ITGAV: variants seen among roughly 807,000 people sequenced by gnomAD.
ITGAV encodes the protein integrin subunit alpha V, also known as integrin alpha-V.
ITGAV carries 76 observed loss-of-function variants against 143.8 expected under a neutral mutation model. That is an observed-to-expected ratio of 0.53 (90% confidence interval 0.44 to 0.64). The LOEUF is 0.64. Ranked by LOEUF, ITGAV falls within the 30% of genes least tolerant of loss-of-function variation. The pLI, the probability that ITGAV is intolerant of heterozygous loss-of-function variation, is 0.00. For missense variants in ITGAV, 1,193 were observed against 1,274.7 expected (o/e 0.94, Z 0.98); for synonymous variants, 453 against 446.7 (o/e 1.01, Z -0.18).
chr2:186,672,211 A>G (rs1301086346), intron 26 of ITGAV, among the ~76,000 whole-genome samples: 4 of 152,004 alleles, frequency 2.6e-5, no homozygotes, highest in African/African-American at 9.7e-5. Flanking sequence ...CGGCCTCCCA[A>G]AGTGTTGGGA....
In ITGAV at chr2:186,669,567, G is replaced by A. The variant is rs1465916270; in HGVS notation, c.2593-134G>A. 7.7e-6 allele frequency: 5 copies of A among 646,696 alleles called. No individual in the cohort carries two copies. The Admixed American group carries it at 1.4e-4, about 19-fold the overall frequency. 40.1% of individuals were successfully genotyped at this position (646,696 alleles called of 1,614,324 possible). ...CTGTCCTTACTGCTCACTATATACTGAGTGGTAAATATTCTGTCATACTAA... is the reference window on the plus strand; with the variant it reads ...CTGTCCTTACTGCTCACTATATACTAAGTGGTAAATATTCTGTCATACTAA... On this transcript the variant is annotated intron_variant, in intron 25 of 29. Coordinates refer to ENST00000261023, the MANE Select transcript of ITGAV (RefSeq NM_002210.5).
intron 15 of ITGAV, 107 bp downstream of exon 15, chr2:186,652,196 C>T: frequency 1.4e-6 from 1 of 693,358 alleles, no homozygotes. Context: ...AAAACAGTTT[C>T]TGTGAGTATA....
intron 15 of ITGAV, among the ~76,000 whole-genome samples, chr2:186,653,859 C>T (rs1003095432): frequency 2.6e-5 from 4 of 152,190 alleles, no homozygotes; most frequent in Non-Finnish European, 1.5e-5. Flanking sequence ...GAAAATCGTA[C>T]TTACCTTTGA....
chr2:186,649,875 A>AT lies in ITGAV; in HGVS notation c.1388dup (p.Tyr465IlefsTer14). The AT allele has an allele frequency of 7.1e-7, 1 of 1,404,546 alleles. No homozygotes were observed. 87.0% of individuals were successfully genotyped at this position (1,404,546 alleles called of 1,614,324 possible). On this transcript the variant is annotated frameshift_variant, in exon 14 of 30. Coordinates refer to ENST00000261023, the MANE Select transcript of ITGAV (RefSeq NM_002210.5). LOFTEE classifies it high-confidence loss of function. ...AGGAGCTTTTGGTGTAGATCGAGCT[A>AT]TCTTATACAGGTGAGCATTTTCTGT...
At chr2:186,621,996 G>A (rs185765959) in intron 2 of ITGAV, among the ~76,000 whole-genome samples, 1 of 151,982 alleles carries the variant, frequency 6.6e-6, no homozygotes, top group African/African-American at 2.4e-5. Context: ...ATGCCCCACC[G>A]AAAGATCTTC....
At chr2:186,648,773 A>G (rs1232493983) in intron 13 of ITGAV, among the ~76,000 whole-genome samples, 6 of 152,096 alleles carry the variant, frequency 3.9e-5, no homozygotes, top group Admixed American at 1.3e-4. Flanking sequence ...GATTACAGGC[A>G]TGAGCCACCA....
chr2:186,622,525 T>C (rs1462418320), intron 3 of ITGAV, 95 bp downstream of exon 3: 13 of 818,216 alleles, frequency 1.6e-5, no homozygotes, highest in Non-Finnish European at 2.7e-5. Flanking sequence ...TAAAATTCAG[T>C]ATGCTCAAGG....
intron 25 of ITGAV, among the ~76,000 whole-genome samples, chr2:186,669,140 T>A (rs1270286088): frequency 6.6e-6 from 1 of 152,236 alleles, no homozygotes; most frequent in Non-Finnish European, 1.5e-5. Flanking sequence ...CATAGAGTGC[T>A]TACTGAGCCT....
At chr2:186,635,757 CA>C (rs1687930521) in intron 6 of ITGAV, among the ~76,000 whole-genome samples, 2 of 152,128 alleles carry the variant, frequency 1.3e-5, no homozygotes, top group Non-Finnish European at 2.9e-5. Flanking sequence ...GTAAATTTTT[CA>C]TGTTTTAATG....
chr2:186,641,790 C>CT (rs1688111343), intron 12 of ITGAV: 2 of 563,232 alleles, frequency 3.6e-6, no homozygotes. Flanking sequence ...ATAATGGACT[C>CT]TCATGAGTTA....
chr2:186,662,292 C>CT (rs1688770020), intron 18 of ITGAV, among the ~76,000 whole-genome samples: 1 of 151,844 alleles, frequency 6.6e-6, no homozygotes. Flanking sequence ...TCTAATAGTC[C>CT]TTTTTTAAAA....
rs1402501472 is a variant in ITGAV at position 186,646,761 on chromosome 2, G to T, written c.1235G>T (p.Gly412Val). 1 of 1,613,024 alleles carries T rather than the reference G, an allele frequency of 6.2e-7. No individual in the cohort carries two copies. The highest frequency in any genetic ancestry group is 1.1e-5 in the South Asian group (1 of 90,842). The change falls in exon 13 of 30, where the codon GGC (glycine) becomes GTC (valine). Residue 412 changes from glycine (G) to valine (V), a missense_variant. Coordinates refer to ENST00000261023, the MANE Select transcript of ITGAV (RefSeq NM_002210.5). Reference sequence around the variant, plus strand: ...TATATCTTCAATGGAAGATCAACAGGCTTGAACGCAGTCCCATCTCAAATC... The same window carrying T: ...TATATCTTCAATGGAAGATCAACAGTCTTGAACGCAGTCCCATCTCAAATC... ...IVYIFNGRST[G>V]LNAVPSQILE...
At position 186,590,504 on chromosome 2, in the gene ITGAV, T is replaced by C. The variant is rs200143768; in HGVS notation, c.166T>C (p.Phe56Leu). The change falls in exon 1 of 30, where the codon TTC (phenylalanine) becomes CTC (leucine). Residue 56 changes from phenylalanine (F) to leucine (L), a missense_variant. Physicochemically the swap from Phe to Leu is conservative, Grantham distance 22. Coordinates refer to ENST00000261023, the MANE Select transcript of ITGAV (RefSeq NM_002210.5). ...TTACTTCGGCTTCGCCGTGGATTTC[T>C]TCGTGCCCAGCGCGTCTTCGTAAGT... is the stretch of plus-strand genomic sequence containing the variant. ...GSYFGFAVDFFVPSASSRMFL... is the reference protein window; with the variant it reads ...GSYFGFAVDFLVPSASSRMFL... 6.2e-7 allele frequency: 1 copy of C among 1,610,820 alleles called. No homozygotes were observed. The highest frequency in any genetic ancestry group is 8.5e-7 in the Non-Finnish European group (1 of 1,179,042).
chr2:186,662,896 T>G (rs1688786590), intron 18 of ITGAV, among the ~76,000 whole-genome samples: 1 of 152,216 alleles, frequency 6.6e-6, no homozygotes, highest in Non-Finnish European at 1.5e-5. Flanking sequence ...TTCTTTTCCT[T>G]TAAATCCTTT....
In ITGAV at chr2:186,676,814, T is replaced by C; in HGVS notation, c.2930T>C (p.Val977Ala). 6.2e-7 allele frequency: 1 copy of C among 1,613,352 alleles called. No homozygotes were observed. The highest frequency in any genetic ancestry group is 8.5e-7 in the Non-Finnish European group (1 of 1,179,772). Residue 977 changes from valine (V) to alanine (A), a missense_variant and splice_region_variant, in exon 29 of 30, where the codon GTT (valine) becomes GCT (alanine). Val to Ala is a moderately conservative substitution (Grantham distance 64). Transcript: ENST00000261023. ...PIEDITNSTL[V>A]TTNVTWGIQP... ...ACTAAAAGCTTTTTTCCTCGATAGG[T>C]TACCACTAATGTCACCTGGGGCATT...
Position 186,646,713 on chromosome 2 carries a change from G to T in ITGAV, c.1187G>T (p.Gly396Val), listed in dbSNP as rs201819463. 25 of 1,600,034 alleles carry T rather than the reference G, an allele frequency of 1.6e-5. No individual in the cohort carries two copies. Among genetic ancestry groups the T allele is most frequent in the Non-Finnish European group, 1.9e-5 (22 of 1,170,892 alleles). ...ATTGCAATTGCTGCTCCATATGGGG[G>T]TGAAGATAAAAAAGGAATTGTTTAT... ...NDIAIAAPYG[G>V]EDKKGIVYIF... The change falls in exon 13 of 30, where the codon GGT becomes GTT. Residue 396 changes from glycine to valine, a missense_variant. Transcript: ENST00000261023.
chr2:186,607,992 T>A (rs907783388), intron 2 of ITGAV, among the ~76,000 whole-genome samples: 1 of 152,164 alleles, frequency 6.6e-6, no homozygotes, highest in Non-Finnish European at 1.5e-5. Context: ...TATGGAGTTG[T>A]TGCAAAAGAT....
At chr2:186,615,980 A>G (rs1253298176) in intron 2 of ITGAV, among the ~76,000 whole-genome samples, 1 of 151,778 alleles carries the variant, frequency 6.6e-6, no homozygotes, top group Admixed American at 6.6e-5. Flanking sequence ...TTTCTGGTAC[A>G]GTTTGAGGTA....
intron 15 of ITGAV, among the ~76,000 whole-genome samples, chr2:186,652,302 A>G (rs191712093): frequency 4.6e-5 from 7 of 152,182 alleles, no homozygotes; most frequent in Admixed American, 2.0e-4. Context: ...TGATCCTTCC[A>G]CCTTGGCCTT....
Sources: allele counts gnomAD v4.1 joint callset (sites outside exome capture counted in the v4.1 genomes callset), GRCh38; gene constraint gnomAD v4.1.1; transcripts MANE v1.5; gene names NCBI Gene and HGNC (gene_info 2026-07-23, HGNC 2026-07-21).